PIMREG: variants seen among roughly 807,000 people sequenced by gnomAD.
PIMREG encodes PICALM interacting mitotic regulator.
PIMREG carries 19 observed loss-of-function variants against 24.3 expected under a neutral mutation model. That is an observed-to-expected ratio of 0.78 (90% CI 0.54 to 1.15). The LOEUF (loss-of-function observed/expected upper bound fraction) is 1.15, where lower values mean the gene tolerates loss of function less well. PIMREG is among the 50% of genes most tolerant of loss of function. The pLI is 0.00. For missense variants in PIMREG, 283 were observed against 306.8 expected (o/e 0.92, Z 0.58); for synonymous variants, 112 against 124.1 (o/e 0.90, Z 0.65).
chr17:6,448,675 C>T (rs1172205999), intron 3 of PIMREG, among the ~76,000 whole-genome samples: 1 of 152,204 alleles, frequency 6.6e-6, no homozygotes, highest in Non-Finnish European at 1.5e-5. Flanking sequence ...AGTTCTCAGA[C>T]AGGCCCAGAA....
chr17:6,449,299 T>C lies in PIMREG; in HGVS notation c.591-13T>C. The stretch of plus-strand genomic sequence containing the variant: ...TCCAACTAGTCACTGGTGTGGCTTT[T>C]TCTTTCATGCAGCGAGTCTGACAGT... On this transcript the variant is annotated splice_polypyrimidine_tract_variant and intron_variant, in intron 3 of 5. Coordinates refer to ENST00000572447, the MANE Select transcript of PIMREG (RefSeq NM_019013.3). The C allele has an allele frequency of 6.2e-7, 1 of 1,605,096 alleles. No homozygotes were observed. The highest frequency in any genetic ancestry group is 8.5e-7 in the Non-Finnish European group (1 of 1,176,734).
At chr17:6,450,297 G>C in intron 5 of PIMREG, 65 bp from the exon 6 acceptor site, 1 of 1,430,774 alleles carries the variant, frequency 7.0e-7, no homozygotes, top group Non-Finnish European at 9.5e-7. Context: ...CCCGCAGTGA[G>C]CAGGGAAAGG....
chr17:6,447,344 G>A, intron 2 of PIMREG, 119 bp from the exon 3 acceptor site: 1 of 1,099,172 alleles, frequency 9.1e-7, no homozygotes, highest in South Asian at 1.5e-5. Flanking sequence ...TCAAAATCCT[G>A]ACCTCAGGTG....
chr17:6,448,089 G>C (rs556384156), intron 3 of PIMREG, among the ~76,000 whole-genome samples: 2 of 152,014 alleles, frequency 1.3e-5, no homozygotes, highest in South Asian at 4.2e-4. Flanking sequence ...TTGGAGACCA[G>C]TCTGGCCAAC....
rs1913509991 is a variant in PIMREG at position 6,444,858 on chromosome 17, G to A, written c.-35-218G>A. Among the ~76,000 whole-genome samples the A allele has an allele frequency of 6.6e-6, 1 of 152,072 alleles. No homozygotes were observed. Among genetic ancestry groups the A allele is most frequent in the Admixed American group, 6.5e-5 (1 of 15,278 alleles). On this transcript the variant is annotated intron_variant, in intron 1 of 5. Coordinates refer to ENST00000572447, the MANE Select transcript of PIMREG (RefSeq NM_019013.3). The surrounding 1 kb of genome is among the most constrained non-coding windows in gnomAD (Gnocchi z 4.3). ...GGAAGGAGGTTGGGATGAAAAGACAGCTGTTTTGGAAACTTGAAGGGCGGG... is the reference window on the plus strand; with the variant it reads ...GGAAGGAGGTTGGGATGAAAAGACAACTGTTTTGGAAACTTGAAGGGCGGG...
intron 2 of PIMREG, among the ~76,000 whole-genome samples, chr17:6,445,738 T>C (rs1913547021): frequency 1.3e-5 from 2 of 152,134 alleles, no homozygotes; most frequent in African/African-American, 4.8e-5. Flanking sequence ...GAGGAGGTGA[T>C]TCCAGAGTTC....
rs778736056 is a variant in PIMREG, at chr17:6,450,371, CCT to C, written c.*25_*26del. The C allele has an allele frequency of 1.3e-5, 21 of 1,562,548 alleles. No individual in the cohort carries two copies. Among genetic ancestry groups the C allele is most frequent in the Non-Finnish European group, 1.6e-5 (19 of 1,161,596 alleles). ...CAGCTCTGTCTTGAAGGAAACAAGC[CCT>C]GTCTGACCGCCAAGGCTTCATACTC... On this transcript the variant is annotated 3_prime_UTR_variant, in exon 6 of 6. Transcript: ENST00000572447.
At chr17:6,449,867 AATG>A (rs1913748498) in intron 4 of PIMREG, 158 bp from the exon 5 acceptor site, 6 of 1,382,322 alleles carry the variant, frequency 4.3e-6, no homozygotes, top group Non-Finnish European at 5.8e-6. Flanking sequence ...CCACTTGTAT[AATG>A]GCCATGATGG....
At chr17:6,447,159 T>G (rs990050842) in intron 2 of PIMREG, among the ~76,000 whole-genome samples, 3 of 152,078 alleles carry the variant, frequency 2.0e-5, no homozygotes, top group Admixed American at 6.6e-5. Flanking sequence ...TCGCCCAGGC[T>G]GGAGTGCCAT....
At chr17:6,447,906 G>A (rs565789654) in intron 3 of PIMREG, 148 bp downstream of exon 3, 21 of 715,998 alleles carry the variant, frequency 2.9e-5, no homozygotes, top group African/African-American at 1.1e-4. Context: ...CCTGAGCAGC[G>A]TCATATTGTA....
At position 6,444,810 on chromosome 17, in the gene PIMREG, C is replaced by T. The variant is rs1036598091; in HGVS notation, c.-35-266C>T. Among the ~76,000 whole-genome samples the T allele has an allele frequency of 1.4e-5, 2 of 147,880 alleles. No individual in the cohort carries two copies. Among genetic ancestry groups the T allele is most frequent in the South Asian group, 2.1e-4 (1 of 4,766 alleles). On this transcript the variant is annotated intron_variant, in intron 1 of 5. Transcript: ENST00000572447. This position sits in a 1 kb window ranked among gnomAD's most constrained non-coding sequence, Gnocchi z 4.3. ...TACGGCGTGTCTTGACCCTGCCTCC[C>T]CTCCTCGCCTGAGCCAGAGAGAGGA...
rs1311153748 is a variant in PIMREG at position 6,449,280 on chromosome 17, T to TG, written c.591-32_591-31insG. On this transcript the variant is annotated intron_variant, in intron 3 of 5. Coordinates refer to ENST00000572447, the MANE Select transcript of PIMREG (RefSeq NM_019013.3). Reference sequence around the variant, plus strand: ...GGGTCTCCTGCCGGGAGTTTCCAACTAGTCACTGGTGTGGCTTTTTCTTTC... The same window carrying TG: ...GGGTCTCCTGCCGGGAGTTTCCAACTGAGTCACTGGTGTGGCTTTTTCTTTC... 6 of 1,582,428 alleles carry TG rather than the reference T, an allele frequency of 3.8e-6. No homozygotes were observed. In the South Asian group the frequency reaches 6.9e-5, roughly 18 times the overall value.
intron 3 of PIMREG, among the ~76,000 whole-genome samples, chr17:6,448,237 C>G (rs1214028200): frequency 7.5e-6 from 1 of 133,512 alleles, no homozygotes; most frequent in South Asian, 2.5e-4. Context: ...GAGCTGAGAT[C>G]GCGCCACTGC....
At chr17:6,446,745 T>A (rs367842297) in intron 2 of PIMREG, among the ~76,000 whole-genome samples, 2 of 152,190 alleles carry the variant, frequency 1.3e-5, no homozygotes, top group African/African-American at 4.8e-5. Context: ...GGAGGGTGGA[T>A]AGAGTGAGTG....
chr17:6,450,006 C>T, intron 4 of PIMREG, 22 bp from the exon 5 acceptor site: 1 of 1,613,688 alleles, frequency 6.2e-7, no homozygotes. Flanking sequence ...CCAGTGGCAT[C>T]AATCCCTCCC....
chr17:6,445,338 G>A lies in PIMREG; in HGVS notation c.228G>A (p.Glu76=). Residue 76 remains glutamate (E), a synonymous_variant, in exon 2 of 6, where the codon GAG becomes GAA. Transcript: ENST00000572447. ...CCTGGAAACGCCTGGAAACCCCAGA[G>A]CCAGGTCAGCAGGGCCTCCAGGCTG... ...GPSWKRLETP[E]PGQQGLQAAA... 1 of 1,614,170 alleles carries A rather than the reference G, an allele frequency of 6.2e-7. No homozygotes were observed. Among genetic ancestry groups the A allele is most frequent in the Non-Finnish European group, 8.5e-7 (1 of 1,180,034 alleles).
chr17:6,445,107 G>A lies in PIMREG; in HGVS notation c.-4G>A, dbSNP rs1326108667. ...GTGGACAGAGAAGACTCTTGGCCAGGCAGATGGCTTCTCGGTGGCAGAACA... is the reference window on the plus strand; with the variant it reads ...GTGGACAGAGAAGACTCTTGGCCAGACAGATGGCTTCTCGGTGGCAGAACA... On this transcript the variant is annotated 5_prime_UTR_variant, in exon 2 of 6. Coordinates refer to ENST00000572447, the MANE Select transcript of PIMREG (RefSeq NM_019013.3). 6.3e-7 allele frequency: 1 copy of A among 1,585,512 alleles called. No homozygotes were observed. Among genetic ancestry groups the A allele is most frequent in the East Asian group, 2.2e-5 (1 of 44,552 alleles).
chr17:6,450,779 C>G lies in PIMREG; in HGVS notation c.*432C>G. The G allele has an allele frequency of 4.1e-6, 1 of 242,098 alleles. No individual in the cohort carries two copies. Among genetic ancestry groups the G allele is most frequent in the Non-Finnish European group, 8.0e-6 (1 of 125,384 alleles). The allele number at this position is 242,098 out of a possible 1,614,324, so 15.0% of individuals were successfully genotyped here. On this transcript the variant is annotated 3_prime_UTR_variant, in exon 6 of 6. Coordinates refer to ENST00000572447, the MANE Select transcript of PIMREG (RefSeq NM_019013.3). ...TCACTCACCCACTGTGTTTCTGGTG[C>G]CAAGGCTCTTGAGGGCCCCACTCTC...
rs772096192 is a variant in PIMREG, at chr17:6,449,374, A to G, written c.653A>G (p.Gln218Arg). The change falls in exon 4 of 6, where the codon CAA (glutamine) becomes CGA (arginine). Residue 218 changes from glutamine to arginine, a missense_variant. By Grantham distance (43) the Gln-to-Arg change is conservative. Transcript: ENST00000572447. ...AGIQHLQKLS[Q>R]ELDEAIMAEE... ...ATTCAGCATCTCCAGAAGCTGTCCC[A>G]AGAGCTAGATGAAGCCATTATGGCG... 2 of 1,613,864 alleles carry G rather than the reference A, an allele frequency of 1.2e-6. No homozygotes were observed. The highest frequency in any genetic ancestry group is 1.1e-5 in the South Asian group (1 of 91,046).
Sources: gnomAD v4.1 joint callset for allele counts (sites outside exome capture counted in the v4.1 genomes callset) on GRCh38, gnomAD v4.1.1 for gene constraint, Gnocchi (gnomAD v3.1) non-coding constraint, MANE v1.5 for transcripts, NCBI Gene and HGNC (gene_info 2026-07-23, HGNC 2026-07-21) for gene names.